ZNRF2: variants seen among roughly 807,000 people sequenced by gnomAD.
ZNRF2 encodes E3 ubiquitin-protein ligase ZNRF2.
ZNRF2 carries 16 observed loss-of-function variants against 20.4 expected under a neutral mutation model. The observed-to-expected ratio is 0.79, with a 90% CI of 0.53 to 1.19. ZNRF2 has a LOEUF of 1.19. Among genes scored for constraint, ZNRF2 ranks in the 50% most tolerant of loss-of-function variants. ZNRF2 has a pLI of 0.00. For missense variants in ZNRF2, 363 were observed against 332.4 expected (o/e 1.09, Z -0.72); for synonymous variants, 178 against 144.9 (o/e 1.23, Z -1.64).
chr7:30,290,320 G>A (rs1798878159), intron 1 of ZNRF2, among the ~76,000 whole-genome samples: 2 of 152,202 alleles, frequency 1.3e-5, no homozygotes, highest in South Asian at 2.1e-4. Context: ...AAATTTAGTG[G>A]TTCTAAGCAA....
At chr7:30,295,057 GT>G in intron 1 of ZNRF2, among the ~76,000 whole-genome samples, 2 of 95,988 alleles carry the variant, frequency 2.1e-5, no homozygotes, top group African/African-American at 1.5e-4. Flanking sequence ...GAGAGTGTGT[GT>G]GTGTGTGTGT....
chr7:30,355,872 C>A, intron 3 of ZNRF2, 39 bp downstream of exon 3: 2 of 1,509,312 alleles, frequency 1.3e-6, no homozygotes, highest in South Asian at 1.1e-5. Context: ...AAAGATTGTT[C>A]TCACAGTTTC....
intron 1 of ZNRF2, among the ~76,000 whole-genome samples, chr7:30,307,326 GTTTTTTTTTTTTTT>G (rs78007797): frequency 2.5e-4 from 11 of 43,240 alleles, no homozygotes; most frequent in South Asian, 1.2e-3. Flanking sequence ...GTTTTTTTTT[GTTTTTTTTTTTTTT>G]TTTTTTTTTT....
At chr7:30,323,763 T>C in intron 2 of ZNRF2, 26 bp downstream of exon 2, 2 of 1,354,670 alleles carry the variant, frequency 1.5e-6, no homozygotes, top group South Asian at 1.4e-5. Flanking sequence ...TAAAATAATA[T>C]TTTAAGTTAG....
chr7:30,305,662 T>G (rs747554025), intron 1 of ZNRF2, among the ~76,000 whole-genome samples: 2 of 152,162 alleles, frequency 1.3e-5, no homozygotes, highest in African/African-American at 2.4e-5. Context: ...ATGATTTAAT[T>G]CTTATAGCAG....
intron 1 of ZNRF2, among the ~76,000 whole-genome samples, chr7:30,320,238 A>G (rs937777912): frequency 1.3e-5 from 2 of 152,096 alleles, no homozygotes; most frequent in Admixed American, 1.3e-4. Context: ...CTTTCTATAT[A>G]TACATAGAGA....
intron 3 of ZNRF2, among the ~76,000 whole-genome samples, chr7:30,357,005 A>C (rs1399872376): frequency 6.6e-6 from 1 of 152,150 alleles, no homozygotes; most frequent in Non-Finnish European, 1.5e-5. Flanking sequence ...GTATCTAATA[A>C]CATCTCAAAA....
chr7:30,300,471 TGATA>T (rs1384320401), intron 1 of ZNRF2, among the ~76,000 whole-genome samples: 6 of 152,208 alleles, frequency 3.9e-5, no homozygotes, highest in Non-Finnish European at 7.3e-5. Context: ...GTTTAATTAA[TGATA>T]GATAAGTGAG....
chr7:30,329,746 G>C (rs528962635), intron 2 of ZNRF2, among the ~76,000 whole-genome samples: 1 of 152,164 alleles, frequency 6.6e-6, no homozygotes, highest in South Asian at 2.1e-4. Flanking sequence ...TGGTTATCGT[G>C]AATAGTGCTG....
At chr7:30,351,955 G>T (rs1799967737) in intron 2 of ZNRF2, among the ~76,000 whole-genome samples, 1 of 151,968 alleles carries the variant, frequency 6.6e-6, no homozygotes, top group Non-Finnish European at 1.5e-5. Flanking sequence ...TGATGACATT[G>T]TTCAGGTTTG....
At chr7:30,294,993 C>CAGAG (rs151019640) in intron 1 of ZNRF2, among the ~76,000 whole-genome samples, 1 of 51,542 alleles carries the variant, frequency 1.9e-5, no homozygotes, top group African/African-American at 7.0e-5. Flanking sequence ...GGGAGGGGGA[C>CAGAG]AGAGAGAGAG....
At chr7:30,312,172 G>C (rs1282598813) in intron 1 of ZNRF2, among the ~76,000 whole-genome samples, 2 of 151,856 alleles carry the variant, frequency 1.3e-5, no homozygotes, top group Admixed American at 6.6e-5. Context: ...GTAGAGACAG[G>C]GTCTCATTAC....
At chr7:30,323,587 G>A in intron 1 of ZNRF2, 55 bp from the exon 2 acceptor site, 2 of 1,172,726 alleles carry the variant, frequency 1.7e-6, no homozygotes, top group Non-Finnish European at 2.4e-6. Flanking sequence ...CTTTTTAAAA[G>A]CCATAGCTGG....
intron 2 of ZNRF2, among the ~76,000 whole-genome samples, chr7:30,337,028 G>A (rs868507550): frequency 6.6e-6 from 1 of 152,028 alleles, no homozygotes; most frequent in African/African-American, 2.4e-5. Flanking sequence ...AATTTAAAAA[G>A]TTTATTAAAG....
intron 1 of ZNRF2, among the ~76,000 whole-genome samples, chr7:30,303,512 C>A (rs1485863902): frequency 6.6e-6 from 1 of 152,156 alleles, no homozygotes; most frequent in East Asian, 1.9e-4. Flanking sequence ...CCAGGTGTTG[C>A]TGATGTCTAC....
At chr7:30,357,974 C>A (rs1800066085) in intron 3 of ZNRF2, among the ~76,000 whole-genome samples, 1 of 152,092 alleles carries the variant, frequency 6.6e-6, no homozygotes, top group Non-Finnish European at 1.5e-5. Flanking sequence ...CAATAAGTAT[C>A]TAACAATATA....
At chr7:30,359,221 A>G (rs1221961723) in intron 3 of ZNRF2, among the ~76,000 whole-genome samples, 1 of 152,212 alleles carries the variant, frequency 6.6e-6, no homozygotes, top group Middle Eastern at 3.2e-3. Flanking sequence ...TTCTTGGTAG[A>G]GAATTATTTT....
At chr7:30,301,059 A>T (rs1296463241) in intron 1 of ZNRF2, among the ~76,000 whole-genome samples, 1 of 152,228 alleles carries the variant, frequency 6.6e-6, no homozygotes, top group Non-Finnish European at 1.5e-5. Flanking sequence ...CATTTATCAA[A>T]GATGAGAGCA....
At chr7:30,334,002 G>A (rs1799679502) in intron 2 of ZNRF2, among the ~76,000 whole-genome samples, 1 of 152,026 alleles carries the variant, frequency 6.6e-6, no homozygotes, top group Non-Finnish European at 1.5e-5. Context: ...GTTTAATTAA[G>A]TCCCAAATGT....
Sources: allele counts gnomAD v4.1 joint callset (sites outside exome capture counted in the v4.1 genomes callset), GRCh38; gene constraint gnomAD v4.1.1; transcripts MANE v1.5; gene names NCBI Gene and HGNC (gene_info 2026-07-23, HGNC 2026-07-21).